GRID2: variants seen among roughly 807,000 people sequenced by gnomAD.
GRID2 encodes glutamate ionotropic receptor delta type subunit 2, also known as glutamate receptor ionotropic, delta-2.
GRID2 carries 33 observed loss-of-function variants against 114.8 expected under a neutral mutation model. That is an observed-to-expected ratio of 0.29 (90% CI 0.22 to 0.38). The LOEUF is 0.38. Among genes scored for constraint, GRID2 ranks in the 10% least tolerant of loss-of-function variants. GRID2 has a pLI of 1.00. For synonymous variants in GRID2, 505 were observed against 449.9 expected (o/e 1.12, Z -1.55); for missense variants, 1,184 against 1,257.7 (o/e 0.94, Z 0.89).
intron 2 of GRID2, among the ~76,000 whole-genome samples, chr4:92,667,500 T>G (rs1732847590): frequency 6.6e-6 from 1 of 151,700 alleles, no homozygotes; most frequent in Non-Finnish European, 1.5e-5. Context: ...AGATAATGAC[T>G]ACATTTACTA....
intron 2 of GRID2, among the ~76,000 whole-genome samples, chr4:92,779,659 A>C (rs1738978174): frequency 6.6e-6 from 1 of 152,138 alleles, no homozygotes; most frequent in Non-Finnish European, 1.5e-5. Context: ...ACAGAAAATA[A>C]GGAATGGGAG....
At chr4:92,659,238 G>A (rs1231561867) in intron 2 of GRID2, among the ~76,000 whole-genome samples, 1 of 151,646 alleles carries the variant, frequency 6.6e-6, no homozygotes, top group Non-Finnish European at 1.5e-5. Flanking sequence ...CTATGCTAAA[G>A]TAGTTTTCAT....
intron 1 of GRID2, among the ~76,000 whole-genome samples, chr4:92,505,537 G>C (rs555872826): frequency 6.6e-6 from 1 of 152,120 alleles, no homozygotes; most frequent in Admixed American, 6.6e-5. Flanking sequence ...CCACGGGTTA[G>C]TGTTGTAATA....
intron 1 of GRID2, among the ~76,000 whole-genome samples, chr4:92,400,300 A>G (rs575405396): frequency 1.3e-5 from 2 of 152,228 alleles, no homozygotes; most frequent in African/African-American, 4.8e-5. Context: ...ACCAACATAC[A>G]TTCTTGTCTC....
chr4:92,821,926 GA>G, intron 2 of GRID2: 1 of 159,824 alleles, frequency 6.3e-6, no homozygotes, highest in Non-Finnish European at 1.4e-5. Flanking sequence ...AAAGTAGGAA[GA>G]TTTTTTGTTT....
At chr4:92,491,318 A>G (rs1235917243) in intron 1 of GRID2, among the ~76,000 whole-genome samples, 2 of 152,120 alleles carry the variant, frequency 1.3e-5, no homozygotes, top group African/African-American at 4.8e-5. Flanking sequence ...CTATGCTTCC[A>G]GTTCCACAGT....
At chr4:92,573,931 G>A (rs566578519) in intron 1 of GRID2, among the ~76,000 whole-genome samples, 1 of 152,174 alleles carries the variant, frequency 6.6e-6, no homozygotes, top group Non-Finnish European at 1.5e-5. Flanking sequence ...GTATTACTTT[G>A]TAGAAGCCTA....
At chr4:93,094,204 G>A (rs1217179395) in intron 3 of GRID2, among the ~76,000 whole-genome samples, 1 of 151,956 alleles carries the variant, frequency 6.6e-6, no homozygotes, top group Non-Finnish European at 1.5e-5. Flanking sequence ...AAATTGGTTG[G>A]AATAAATGCT....
chr4:93,637,359 T>A (rs1329053910), intron 14 of GRID2, among the ~76,000 whole-genome samples: 1 of 152,176 alleles, frequency 6.6e-6, no homozygotes, highest in Non-Finnish European at 1.5e-5. Flanking sequence ...AGAAATGATT[T>A]GAAATTTTCC....
chr4:92,606,525 T>A (rs1335631907), intron 2 of GRID2, among the ~76,000 whole-genome samples: 1 of 152,000 alleles, frequency 6.6e-6, no homozygotes, highest in Non-Finnish European at 1.5e-5. Flanking sequence ...TGTCTTAAGC[T>A]GACTGTACCT....
chr4:93,588,020 TC>T (rs1560783146), intron 13 of GRID2, among the ~76,000 whole-genome samples: 2 of 152,134 alleles, frequency 1.3e-5, no homozygotes, highest in African/African-American at 4.8e-5. Flanking sequence ...TTATGGTTAG[TC>T]TAGAAACAAT....
chr4:92,467,900 A>G (rs1472093907), intron 1 of GRID2, among the ~76,000 whole-genome samples: 1 of 152,022 alleles, frequency 6.6e-6, no homozygotes, highest in Non-Finnish European at 1.5e-5. Flanking sequence ...TAAGTATAGT[A>G]TGCCTTGGAA....
intron 2 of GRID2, among the ~76,000 whole-genome samples, chr4:92,799,789 C>G (rs1012636208): frequency 1.3e-5 from 2 of 151,954 alleles, no homozygotes; most frequent in Non-Finnish European, 2.9e-5. Flanking sequence ...GGTTCACAAT[C>G]CTGCCCATAA....
intron 2 of GRID2, among the ~76,000 whole-genome samples, chr4:93,002,936 C>T (rs1029724854): frequency 1.3e-5 from 2 of 151,742 alleles, no homozygotes; most frequent in African/African-American, 2.4e-5. Flanking sequence ...CTTTCACACA[C>T]GACTACATCC....
At chr4:93,434,947 T>C (rs1016014957) in intron 10 of GRID2, among the ~76,000 whole-genome samples, 2 of 152,152 alleles carry the variant, frequency 1.3e-5, no homozygotes, top group Non-Finnish European at 2.9e-5. Context: ...AAAATGATAT[T>C]TCTCTGTCCA....
chr4:93,503,467 C>A (rs1409420137), intron 12 of GRID2, among the ~76,000 whole-genome samples: 1 of 146,318 alleles, frequency 6.8e-6, no homozygotes, highest in Non-Finnish European at 1.5e-5. Flanking sequence ...TAATGCTATC[C>A]CTCTCCCCTC....
At chr4:93,444,322 T>C (rs1344075270) in intron 10 of GRID2, among the ~76,000 whole-genome samples, 3 of 151,770 alleles carry the variant, frequency 2.0e-5, no homozygotes, top group Non-Finnish European at 4.4e-5. Context: ...AGCATGTGAG[T>C]AGACTTGGAG....
intron 1 of GRID2, among the ~76,000 whole-genome samples, chr4:92,424,059 T>C (rs1560620976): frequency 6.6e-6 from 1 of 152,062 alleles, no homozygotes; most frequent in Non-Finnish European, 1.5e-5. Flanking sequence ...GCAAGTGATA[T>C]TTGGAATTCT....
intron 2 of GRID2, among the ~76,000 whole-genome samples, chr4:92,675,389 T>G (rs2149279368): frequency 6.6e-6 from 1 of 152,270 alleles, no homozygotes; most frequent in South Asian, 2.1e-4. Flanking sequence ...CAAAAATTTC[T>G]CTTCAGAATT....
Sources: allele counts gnomAD v4.1 joint callset (sites outside exome capture counted in the v4.1 genomes callset), GRCh38; gene constraint gnomAD v4.1.1; transcripts MANE v1.5; gene names NCBI Gene and HGNC (gene_info 2026-07-23, HGNC 2026-07-21).